The following SSH2 variants were observed in gnomAD, a reference collection of about 807,000 sequenced individuals.
SSH2 encodes protein phosphatase Slingshot homolog 2.
A neutral mutation model predicts 135.2 loss-of-function variants in SSH2; 37 were observed. That is an observed-to-expected ratio of 0.27 (90% CI 0.21 to 0.36). The LOEUF (loss-of-function observed/expected upper bound fraction) is 0.36, where lower values mean the gene tolerates loss of function less well. Among genes scored for constraint, SSH2 ranks in the 10% least tolerant of loss-of-function variants. SSH2 has a pLI of 1.00. For missense variants in SSH2, 1,408 were observed against 1,765.3 expected, an observed-to-expected ratio of 0.80 and a Z score of 3.63; for synonymous variants, 628 against 646.2, an observed-to-expected ratio of 0.97 and a Z score of 0.43.
Position 29,909,315 on chromosome 17 carries a change from G to T in SSH2, c.63+20623C>A, listed in dbSNP as rs142929770. Among the ~76,000 whole-genome samples, 1,157 of 152,142 alleles carry T rather than the reference G, an allele frequency of 7.6e-3. 16 individuals are homozygous for T. The highest frequency in any genetic ancestry group is 0.027 in the African/African-American group (1,104 of 41,502). ...CAATATTTCCGGGTATCATGGCAAT[G>T]CTTGTATAGCTATAAAAATGCCAAA... On this transcript the variant is annotated intron_variant, in intron 1 of 15. Transcript: ENST00000540801.
At chr17:29,650,546 CT>C in intron 13 of SSH2, 107 bp downstream of exon 13, 5 of 1,102,282 alleles carry the variant, frequency 4.5e-6, no homozygotes, top group Non-Finnish European at 6.3e-6. Flanking sequence ...TCCTTAGTTC[CT>C]TTTTCCTGAG....
intron 5 of SSH2, among the ~76,000 whole-genome samples, chr17:29,692,174 A>T (rs2038512360): frequency 6.6e-6 from 1 of 151,934 alleles, no homozygotes; most frequent in Admixed American, 6.6e-5. Context: ...AATAAAAAAA[A>T]AAAAACAAGA....
intron 3 of SSH2, among the ~76,000 whole-genome samples, chr17:29,750,346 G>A (rs1419904688): frequency 6.6e-6 from 1 of 150,908 alleles, no homozygotes; most frequent in Non-Finnish European, 1.5e-5. Context: ...GGCTGAGGCA[G>A]GAGAATCACT....
At chr17:29,808,971 A>G (rs2042395944) in intron 2 of SSH2, among the ~76,000 whole-genome samples, 1 of 152,212 alleles carries the variant, frequency 6.6e-6, no homozygotes, top group Non-Finnish European at 1.5e-5. Context: ...ATGTATGAGC[A>G]GGCTGGGAAT....
In SSH2 at chr17:29,759,042, C is replaced by A. The variant is rs538970265; in HGVS notation, c.188+34852G>T. On this transcript the variant is annotated intron_variant, in intron 3 of 15. Transcript: ENST00000540801. Reference sequence around the variant, plus strand: ...TACAGATATAAGCCACTGTGCCTGGCCTTTTTAATTCTTTTTTATTTTTTT... The same window carrying A: ...TACAGATATAAGCCACTGTGCCTGGACTTTTTAATTCTTTTTTATTTTTTT... 8.4e-4 allele frequency among the ~76,000 whole-genome samples: 126 copies of A among 150,762 alleles called. 1 individual carries two copies. The highest frequency in any genetic ancestry group is 3.6e-3 in the Middle Eastern group (1 of 278).
At chr17:29,674,106 C>T (rs1166858423) in intron 8 of SSH2, 1 of 456,598 alleles carries the variant, frequency 2.2e-6, no homozygotes, top group African/African-American at 2.0e-5. Flanking sequence ...TGCTCCAGTT[C>T]ATTCTTCCAC....
chr17:29,684,515 A>T, intron 6 of SSH2, 48 bp downstream of exon 6: 1 of 1,456,918 alleles, frequency 6.9e-7, no homozygotes, highest in Non-Finnish European at 9.3e-7. Context: ...CAACTGGAAC[A>T]GGTTACTTAA....
intron 3 of SSH2, among the ~76,000 whole-genome samples, chr17:29,785,491 A>ATTTT (rs34346245): frequency 2.7e-4 from 21 of 78,490 alleles, no homozygotes; most frequent in African/African-American, 3.7e-4. Flanking sequence ...TTGGCGTTTC[A>ATTTT]TTTTTTTTTT....
chr17:29,813,069 T>C (rs1264110899), intron 2 of SSH2, among the ~76,000 whole-genome samples: 1 of 151,854 alleles, frequency 6.6e-6, no homozygotes, highest in African/African-American at 2.4e-5. Context: ...GAATTCCAAT[T>C]AGAAAAAGAT....
intron 1 of SSH2, among the ~76,000 whole-genome samples, chr17:29,922,853 GCTGGAATAAA>G (rs2066999104): frequency 6.6e-6 from 1 of 152,204 alleles, no homozygotes; most frequent in African/African-American, 2.4e-5. Flanking sequence ...TACTATGCTA[GCTGGAATAAA>G]CATTAATTGG....
intron 3 of SSH2, among the ~76,000 whole-genome samples, chr17:29,722,028 G>A (rs1423215366): frequency 6.6e-6 from 1 of 152,148 alleles, no homozygotes; most frequent in Non-Finnish European, 1.5e-5. Context: ...TGTAATCCCA[G>A]CACTTTGGGA....
intron 5 of SSH2, among the ~76,000 whole-genome samples, chr17:29,686,277 AAG>A (rs1266534754): frequency 1.3e-5 from 2 of 152,212 alleles, no homozygotes; most frequent in Admixed American, 6.6e-5. Context: ...TCAGTGGTAG[AAG>A]AGAGAGACAT....
At chr17:29,824,092 C>T (rs1156683689) in intron 2 of SSH2, among the ~76,000 whole-genome samples, 2 of 152,100 alleles carry the variant, frequency 1.3e-5, no homozygotes, top group South Asian at 2.1e-4. Context: ...CTATATAGCC[C>T]TCTAAGAGCT....
intron 3 of SSH2, among the ~76,000 whole-genome samples, chr17:29,782,824 G>T (rs991654505): frequency 3.3e-5 from 5 of 152,214 alleles, no homozygotes; most frequent in Non-Finnish European, 7.3e-5. Flanking sequence ...GACCTCAGGT[G>T]ATCTGCCCGC....
At chr17:29,655,182 C>G (rs2036733089) in intron 12 of SSH2, among the ~76,000 whole-genome samples, 1 of 152,034 alleles carries the variant, frequency 6.6e-6, no homozygotes, top group African/African-American at 2.4e-5. Flanking sequence ...TGGCTCACTG[C>G]AAGCTCCGCC....
At chr17:29,769,758 G>A (rs1010923520) in intron 3 of SSH2, among the ~76,000 whole-genome samples, 2 of 152,124 alleles carry the variant, frequency 1.3e-5, no homozygotes, top group African/African-American at 4.8e-5. Flanking sequence ...CTTATCGAAC[G>A]TGTCCAATTC....
intron 3 of SSH2, among the ~76,000 whole-genome samples, chr17:29,717,094 CAG>C (rs1359022102): frequency 6.6e-6 from 1 of 152,126 alleles, no homozygotes; most frequent in Non-Finnish European, 1.5e-5. Context: ...GCCCTTAAAA[CAG>C]AGAGTCTGTT....
intron 3 of SSH2, among the ~76,000 whole-genome samples, chr17:29,784,115 G>A (rs1444215665): frequency 6.7e-6 from 1 of 148,992 alleles, no homozygotes; most frequent in South Asian, 2.1e-4. Context: ...GGCTGGACGC[G>A]GTGGCTCATG....
intron 1 of SSH2, among the ~76,000 whole-genome samples, chr17:29,880,187 T>G (rs926646978): frequency 3.3e-5 from 5 of 152,180 alleles, no homozygotes; most frequent in Admixed American, 6.5e-5. Flanking sequence ...AGTGACACAA[T>G]CACAGCTCAC....
Sources: allele counts gnomAD v4.1 joint callset (sites outside exome capture counted in the v4.1 genomes callset), GRCh38; gene constraint gnomAD v4.1.1; transcripts MANE v1.5; gene names NCBI Gene and HGNC (gene_info 2026-07-23, HGNC 2026-07-21).